SLC25A42: variants seen among roughly 807,000 people sequenced by gnomAD.
SLC25A42 encodes the protein mitochondrial coenzyme A transporter SLC25A42.
Under a neutral mutation model 34.7 loss-of-function variants are expected in SLC25A42, and 19 were observed. The observed-to-expected ratio is 0.55, with a 90% CI of 0.38 to 0.80. SLC25A42 has a LOEUF of 0.80. SLC25A42 is among the 30% of genes least tolerant of loss of function. The pLI is 0.00. For synonymous variants in SLC25A42, 205 were observed against 191.2 expected, an observed-to-expected ratio of 1.07 and a Z score of -0.59; for missense variants, 364 against 441.3, an observed-to-expected ratio of 0.82 and a Z score of 1.57.
intron 1 of SLC25A42, among the ~76,000 whole-genome samples, chr19:19,077,865 C>T (rs370541164): frequency 6.6e-6 from 1 of 152,028 alleles, no homozygotes; most frequent in Non-Finnish European, 1.5e-5. Context: ...CCAGCCTGGG[C>T]GACAGAGTGA....
At chr19:19,101,944 C>A in intron 3 of SLC25A42, 58 bp downstream of exon 3, 1 of 1,142,082 alleles carries the variant, frequency 8.8e-7, no homozygotes, top group Non-Finnish European at 1.3e-6. Context: ...CCTCCTCCTT[C>A]ATGGCCCCCA....
At chr19:19,087,697 T>A (rs2059715180) in intron 1 of SLC25A42, among the ~76,000 whole-genome samples, 2 of 152,262 alleles carry the variant, frequency 1.3e-5, no homozygotes, top group Admixed American at 1.3e-4. Flanking sequence ...TGTAAGGAAG[T>A]GCTGTCTCTT....
intron 1 of SLC25A42, among the ~76,000 whole-genome samples, chr19:19,071,852 C>T (rs1028477045): frequency 6.6e-6 from 1 of 150,620 alleles, no homozygotes; most frequent in African/African-American, 2.4e-5. Context: ...GGCAACAAAG[C>T]GAGAATCCGT....
At chr19:19,065,489 AAGG>A (rs1424863305) in intron 1 of SLC25A42, among the ~76,000 whole-genome samples, 24 of 152,158 alleles carry the variant, frequency 1.6e-4, no homozygotes, top group African/African-American at 5.8e-4. Flanking sequence ...TGCAGCATAG[AAGG>A]AGGACAGTGG....
chr19:19,088,811 T>C (rs1251151539), intron 1 of SLC25A42, among the ~76,000 whole-genome samples: 1 of 150,918 alleles, frequency 6.6e-6, no homozygotes, highest in Non-Finnish European at 1.5e-5. Context: ...TTTTTTTCGT[T>C]TTCTTTTGTT....
intron 1 of SLC25A42, among the ~76,000 whole-genome samples, chr19:19,084,703 C>T (rs1343249783): frequency 6.6e-6 from 1 of 152,128 alleles, no homozygotes. Flanking sequence ...GCTGAACCCA[C>T]CTTACCCAAG....
At position 19,105,549 on chromosome 19, in the gene SLC25A42, G is replaced by A. The variant is rs767851398; in HGVS notation, c.214-12G>A. 5.6e-6 allele frequency: 9 copies of A among 1,606,120 alleles called. No individual in the cohort carries two copies. The highest frequency in any genetic ancestry group is 1.1e-5 in the South Asian group (1 of 90,602). ...GAGGCAGAGGGATGTTGACCTTCCC[G>A]CTTATCTCCAGGAGGCCTTCCGGGT... On this transcript the variant is annotated splice_polypyrimidine_tract_variant and intron_variant, in intron 4 of 7. Transcript: ENST00000318596.
chr19:19,102,952 C>T (rs1213198770), intron 3 of SLC25A42, among the ~76,000 whole-genome samples: 1 of 152,028 alleles, frequency 6.6e-6, no homozygotes, highest in Non-Finnish European at 1.5e-5. Context: ...GGGGAGGATC[C>T]TTCCTTGCTT....
At chr19:19,100,266 C>T (rs989242360) in intron 2 of SLC25A42, among the ~76,000 whole-genome samples, 16 of 151,940 alleles carry the variant, frequency 1.1e-4, no homozygotes, top group Non-Finnish European at 1.5e-4. Flanking sequence ...CGCTTGAACC[C>T]GAGAGGCAAA....
intron 3 of SLC25A42, among the ~76,000 whole-genome samples, chr19:19,103,391 G>A (rs576254690): frequency 5.9e-5 from 9 of 152,220 alleles, no homozygotes; most frequent in African/African-American, 1.9e-4. Context: ...CACCGCGCCC[G>A]GCCTGTTTTC....
intron 1 of SLC25A42, among the ~76,000 whole-genome samples, chr19:19,094,657 G>A (rs146004188): frequency 1.9e-4 from 29 of 152,280 alleles, no homozygotes; most frequent in South Asian, 1.0e-3. Flanking sequence ...TTTGTACAGC[G>A]TCACTCACCG....
chr19:19,099,719 C>G (rs1459306783), intron 2 of SLC25A42, among the ~76,000 whole-genome samples: 1 of 152,060 alleles, frequency 6.6e-6, no homozygotes, highest in African/African-American at 2.4e-5. Flanking sequence ...CCGCTTCTAC[C>G]CTGGTCACAT....
At chr19:19,108,395 AC>A (rs765809332) in intron 7 of SLC25A42, among the ~76,000 whole-genome samples, 3 of 152,150 alleles carry the variant, frequency 2.0e-5, no homozygotes, top group Non-Finnish European at 4.4e-5. Context: ...TACCAAAGAT[AC>A]AAAAAAATTA....
rs188880027 is a variant in SLC25A42, at chr19:19,073,782, C to T, written c.-35+9667C>T. ...AGAGACGGGGTTTAACCATGTTGGC[C>T]AGGATAGTCTTGAACTCCCGACCTT... On this transcript the variant is annotated intron_variant, in intron 1 of 7. Coordinates refer to ENST00000318596, the MANE Select transcript of SLC25A42 (RefSeq NM_178526.5). 2.2e-3 allele frequency among the ~76,000 whole-genome samples: 338 copies of T among 152,282 alleles called. 1 individual carries two copies. Among genetic ancestry groups the T allele is most frequent in the South Asian group, 0.017 (84 of 4,826 alleles).
intron 1 of SLC25A42, among the ~76,000 whole-genome samples, chr19:19,077,640 C>T (rs186118426): frequency 3.1e-4 from 47 of 152,316 alleles, no homozygotes; most frequent in African/African-American, 1.1e-3. Flanking sequence ...GTAATCCCAG[C>T]GCTTTGGGAG....
chr19:19,110,984 C>T lies in SLC25A42; in HGVS notation c.*108C>T, dbSNP rs1599695569. On this transcript the variant is annotated 3_prime_UTR_variant, in exon 8 of 8. Coordinates refer to ENST00000318596, the MANE Select transcript of SLC25A42 (RefSeq NM_178526.5). ...ATTCTACTTCAGGAGGCACATGGGG[C>T]GCTTTATGGAACGAGCAGGTGGGCC... 11 of 1,293,992 alleles carry T rather than the reference C, an allele frequency of 8.5e-6. No homozygotes were observed. The South Asian group carries it at 1.5e-4, about 18-fold the overall frequency. 80.2% of individuals were successfully genotyped at this position (1,293,992 alleles called of 1,614,324 possible). A position where few individuals can be genotyped will look rare whatever the true frequency, so the allele number is the denominator to read the frequency against.
chr19:19,084,071 C>G (rs2059694500), intron 1 of SLC25A42, among the ~76,000 whole-genome samples: 1 of 151,358 alleles, frequency 6.6e-6, no homozygotes, highest in African/African-American at 2.4e-5. Flanking sequence ...CCCCACCACC[C>G]CAGTGTGCCC....
chr19:19,097,154 AGCC>A (rs757079326), intron 2 of SLC25A42, among the ~76,000 whole-genome samples: 2 of 152,192 alleles, frequency 1.3e-5, no homozygotes, highest in Non-Finnish European at 2.9e-5. Context: ...AGACCGACCC[AGCC>A]CCACGCAGAA....
intron 1 of SLC25A42, among the ~76,000 whole-genome samples, chr19:19,094,656 C>T (rs2059755243): frequency 6.6e-6 from 1 of 152,204 alleles, no homozygotes; most frequent in South Asian, 2.1e-4. Flanking sequence ...CTTTGTACAG[C>T]GTCACTCACC....
Sources: allele counts gnomAD v4.1 joint callset (sites outside exome capture counted in the v4.1 genomes callset), GRCh38; gene constraint gnomAD v4.1.1; transcripts MANE v1.5; gene names NCBI Gene and HGNC (gene_info 2026-07-23, HGNC 2026-07-21).